The following RGS6 variants were observed in gnomAD, a reference collection of about 807,000 sequenced individuals.
RGS6 encodes regulator of G protein signaling 6.
Under a neutral mutation model 78.5 loss-of-function variants are expected in RGS6, and 30 were observed. The observed-to-expected ratio is 0.38, with a 90% CI of 0.29 to 0.52. The LOEUF (loss-of-function observed/expected upper bound fraction) is 0.52, where lower values mean the gene tolerates loss of function less well. Among genes scored for constraint, RGS6 ranks in the 20% least tolerant of loss-of-function variants. The probability of loss-of-function intolerance (pLI) is 0.85; values close to 1 mark genes in which losing one functional copy is unlikely to be tolerated. For missense variants in RGS6, 495 were observed against 609.7 expected, an observed-to-expected ratio of 0.81 and a Z score of 1.98; for synonymous variants, 206 against 206.0, an observed-to-expected ratio of 1.00 and a Z score of 0.00.
intron 2 of RGS6, among the ~76,000 whole-genome samples, chr14:71,994,147 ACTTTC>A (rs900400329): frequency 7.2e-5 from 11 of 152,066 alleles, no homozygotes; most frequent in African/African-American, 2.7e-4. Context: ...CACAGTTTGT[ACTTTC>A]CTTTCCTTTC....
rs1159343955 is a variant in RGS6, at chr14:72,234,802, G to A, written c.85-117293G>A. Among the ~76,000 whole-genome samples the A allele has an allele frequency of 3.3e-5, 5 of 152,078 alleles. No homozygotes were observed. The East Asian group carries it at 9.6e-4, about 29-fold the overall frequency. The stretch of plus-strand genomic sequence containing the variant: ...AGTAAGTTGTCATCTTCCTTTGAGA[G>A]CAAGTTTTCTCTTTGTGGTATCTTT... On this transcript the variant is annotated intron_variant, in intron 2 of 17. Transcript: ENST00000553525.
intron 2 of RGS6, among the ~76,000 whole-genome samples, chr14:72,044,647 G>T (rs1341197878): frequency 6.6e-6 from 1 of 152,056 alleles, no homozygotes; most frequent in Non-Finnish European, 1.5e-5. Context: ...GAGGCAGGCG[G>T]ATCACTTGAG....
At chr14:72,581,440 C>A in the RGS6 span, among the ~76,000 whole-genome samples, 117 of 152,264 alleles carry the variant, frequency 7.7e-4, no homozygotes, top group Non-Finnish European at 1.5e-5. Context: ...TCAGCAGGGC[C>A]TTCTGCATGC....
intron 2 of RGS6, among the ~76,000 whole-genome samples, chr14:72,224,046 C>G (rs1409883405): frequency 2.0e-5 from 3 of 152,202 alleles, no homozygotes; most frequent in Admixed American, 6.5e-5. Context: ...ATTCAACTTG[C>G]ATTTATCATT....
chr14:72,272,453 G>T (rs79095935), intron 2 of RGS6, among the ~76,000 whole-genome samples: 1 of 152,282 alleles, frequency 6.6e-6, no homozygotes, highest in South Asian at 2.1e-4. Flanking sequence ...CAAGGTTGTG[G>T]TTAGATGTTC....
intron 2 of RGS6, chr14:71,990,450 G>A (rs1595761704): frequency 2.7e-6 from 1 of 368,588 alleles, no homozygotes; most frequent in Non-Finnish European, 5.4e-6. Flanking sequence ...TCCAAGGTTT[G>A]TGTCCTTTGG....
the RGS6 span, among the ~76,000 whole-genome samples, chr14:71,878,525 C>T: frequency 9.9e-4 from 151 of 152,336 alleles, no homozygotes; most frequent in Non-Finnish European, 1.5e-3. Context: ...TTGCTAAGAC[C>T]GTTGGAAAAG....
downstream of RGS6, among the ~76,000 whole-genome samples, chr14:72,569,692 AAGGC>A (rs1023513050): frequency 4.2e-5 from 6 of 143,860 alleles, no homozygotes; most frequent in African/African-American, 1.5e-4. Context: ...GAAAGGAAGG[AAGGC>A]AGGGAGGGAG....
At position 72,102,073 on chromosome 14, in the gene RGS6, A is replaced by C. The variant is rs1454705454; in HGVS notation, c.84+137198A>C. On this transcript the variant is annotated intron_variant, in intron 2 of 17. Coordinates refer to ENST00000553525, the MANE Select transcript of RGS6 (RefSeq NM_001204424.2). ...TATTTCCTTCCGTTGGGATTTGGAA[A>C]AGGCAGTCCCACATAGAAAATTGTT... is the stretch of plus-strand genomic sequence containing the variant. 2.0e-5 allele frequency among the ~76,000 whole-genome samples: 3 copies of C among 152,208 alleles called. No individual in the cohort carries two copies. The East Asian group carries it at 5.8e-4, about 29-fold the overall frequency.
At chr14:72,579,510 G>A in the RGS6 span, among the ~76,000 whole-genome samples, 78 of 152,276 alleles carry the variant, frequency 5.1e-4, 1 homozygote, top group South Asian at 0.011. Context: ...TCCTATTGTC[G>A]TGAGACACTA....
the RGS6 span, among the ~76,000 whole-genome samples, chr14:72,626,629 C>A: frequency 6.6e-6 from 1 of 152,080 alleles, no homozygotes; most frequent in Non-Finnish European, 1.5e-5. Flanking sequence ...TAGTAATGAA[C>A]AATGCTACCA....
intron 1 of RGS6, among the ~76,000 whole-genome samples, chr14:71,938,544 A>G (rs1255430608): frequency 1.3e-5 from 2 of 152,180 alleles, no homozygotes; most frequent in East Asian, 3.9e-4. Context: ...AACTGATGAT[A>G]GGGAACTCCC....
chr14:71,882,383 C>T, the RGS6 span, among the ~76,000 whole-genome samples: 1 of 152,218 alleles, frequency 6.6e-6, no homozygotes, highest in African/African-American at 2.4e-5. Context: ...TTGCTTCCCC[C>T]TTTTGGCAAT....
At chr14:72,505,386 A>C (rs1328494335) in intron 13 of RGS6, among the ~76,000 whole-genome samples, 3 of 152,196 alleles carry the variant, frequency 2.0e-5, no homozygotes, top group African/African-American at 4.8e-5. Flanking sequence ...TTCACATGAC[A>C]GAAGGGAAAG....
chr14:72,055,138 C>G (rs1487008372), intron 2 of RGS6, among the ~76,000 whole-genome samples: 1 of 152,136 alleles, frequency 6.6e-6, no homozygotes, highest in African/African-American at 2.4e-5. Context: ...TGTGTCTATG[C>G]TTAGAGGAAG....
the RGS6 span, among the ~76,000 whole-genome samples, chr14:71,900,655 C>T: frequency 2.0e-5 from 3 of 152,108 alleles, no homozygotes; most frequent in African/African-American, 7.2e-5. Context: ...ATCTTTGGTT[C>T]CTTCACTTCC....
chr14:72,223,309 G>A (rs1355224122), intron 2 of RGS6, among the ~76,000 whole-genome samples: 1 of 152,188 alleles, frequency 6.6e-6, no homozygotes, highest in Non-Finnish European at 1.5e-5. Flanking sequence ...AGAGATTCTT[G>A]TAATGATTTA....
chr14:72,244,501 C>T (rs911941797), intron 2 of RGS6, among the ~76,000 whole-genome samples: 1 of 152,208 alleles, frequency 6.6e-6, no homozygotes, highest in South Asian at 2.1e-4. Context: ...ATCTTAGTGT[C>T]ATCTTTTCTG....
At chr14:71,948,740 CT>C (rs71305831) in intron 1 of RGS6, among the ~76,000 whole-genome samples, 1,922 of 65,188 alleles carry the variant, frequency 0.029, 29 homozygotes, top group Middle Eastern at 0.065. Flanking sequence ...CTCTCTCTCT[CT>C]TTTTTTTTTT....
Sources: gnomAD v4.1 joint callset for allele counts (sites outside exome capture counted in the v4.1 genomes callset) on GRCh38, gnomAD v4.1.1 for gene constraint, MANE v1.5 for transcripts, NCBI Gene and HGNC (gene_info 2026-07-23, HGNC 2026-07-21) for gene names.